The following GAREM1 variants were observed in gnomAD, a reference collection of about 807,000 sequenced individuals.
The protein encoded by GAREM1 is GRB2-associated and regulator of MAPK protein 1.
A neutral mutation model predicts 71.3 loss-of-function variants in GAREM1; 26 were observed. The observed-to-expected ratio is 0.36, with a 90% CI of 0.27 to 0.51. The LOEUF (loss-of-function observed/expected upper bound fraction) is 0.51. Ranked by LOEUF, GAREM1 falls within the 20% of genes least tolerant of loss-of-function variation. GAREM1 has a pLI of 0.95. For synonymous variants in GAREM1, 440 were observed against 433.2 expected (o/e 1.02, Z -0.20); for missense variants, 1,026 against 1,103.1 (o/e 0.93, Z 0.99).
chr18:32,359,931 T>TAA (rs1567978586), intron 2 of GAREM1, among the ~76,000 whole-genome samples: 2 of 149,784 alleles, frequency 1.3e-5, no homozygotes, highest in African/African-American at 5.0e-5. Context: ...GTCTCTTAAA[T>TAA]ATAAATAAAT....
intron 1 of GAREM1, among the ~76,000 whole-genome samples, chr18:32,455,633 A>G (rs951077827): frequency 6.6e-5 from 10 of 152,130 alleles, no homozygotes; most frequent in Non-Finnish European, 1.3e-4. Context: ...ACAAGCTACT[A>G]TCACTTCAGA....
chr18:32,275,682 A>C (rs1225689826), intron 4 of GAREM1, among the ~76,000 whole-genome samples: 2 of 151,898 alleles, frequency 1.3e-5, no homozygotes, highest in Admixed American at 6.6e-5. Flanking sequence ...GAGTAAGTCT[A>C]TCTCTTTTTT....
chr18:32,418,136 A>G (rs553176641), intron 1 of GAREM1, among the ~76,000 whole-genome samples: 15 of 152,330 alleles, frequency 9.8e-5, no homozygotes, highest in African/African-American at 3.6e-4. Context: ...AATATTTTCT[A>G]GATGCAAGAG....
intron 1 of GAREM1, among the ~76,000 whole-genome samples, chr18:32,430,278 G>A (rs2048611277): frequency 2.0e-5 from 3 of 152,130 alleles, no homozygotes; most frequent in Non-Finnish European, 4.4e-5. Flanking sequence ...CAAATGAATG[G>A]CATATACAAA....
At chr18:32,272,645 C>T (rs1342427226) in intron 4 of GAREM1, among the ~76,000 whole-genome samples, 12 of 150,738 alleles carry the variant, frequency 8.0e-5, no homozygotes, top group East Asian at 1.9e-4. Flanking sequence ...TTTTTGGAGA[C>T]GGAGTTTCAC....
chr18:32,308,932 C>T lies in GAREM1; in HGVS notation c.393+1261G>A, dbSNP rs555240987. On this transcript the variant is annotated intron_variant, in intron 3 of 5. Transcript: ENST00000269209. ...AATAAGGGGCTGTCCTAGGCATCTC[C>T]TCCCTTTCCTGAAGAGTGTGGGTGG... 1.8e-4 allele frequency among the ~76,000 whole-genome samples: 27 copies of T among 150,254 alleles called. 4 individuals carry two copies. Among genetic ancestry groups the T allele is most frequent in the African/African-American group, 6.2e-4 (25 of 40,588 alleles).
chr18:32,405,351 A>C (rs981740700), intron 1 of GAREM1, among the ~76,000 whole-genome samples: 2 of 147,602 alleles, frequency 1.4e-5, no homozygotes, highest in Admixed American at 1.3e-4. Flanking sequence ...GGCGTGCACC[A>C]CCATGCTGGC....
At chr18:32,323,878 GTA>G (rs2047451944) in intron 2 of GAREM1, among the ~76,000 whole-genome samples, 1 of 151,886 alleles carries the variant, frequency 6.6e-6, no homozygotes, top group Non-Finnish European at 1.5e-5. Context: ...CAGTTATTTA[GTA>G]TGAAAAGAGA....
chr18:32,309,615 CAAAAAAAAA>C (rs11370938), intron 3 of GAREM1, among the ~76,000 whole-genome samples: 2 of 13,864 alleles, frequency 1.4e-4, no homozygotes, highest in African/African-American at 3.0e-4. Context: ...GACTCAGTCT[CAAAAAAAAA>C]AAAAAAAAAA....
At chr18:32,384,174 A>G (rs1167205371) in intron 2 of GAREM1, among the ~76,000 whole-genome samples, 1 of 152,242 alleles carries the variant, frequency 6.6e-6, no homozygotes, top group Non-Finnish European at 1.5e-5. Flanking sequence ...AACCAGCCAC[A>G]GCTGGGAGCA....
At chr18:32,332,927 T>C (rs1425512002) in intron 2 of GAREM1, among the ~76,000 whole-genome samples, 3 of 151,582 alleles carry the variant, frequency 2.0e-5, no homozygotes, top group East Asian at 1.9e-4. Flanking sequence ...AGGACATGGA[T>C]TGAAATGACA....
At chr18:32,360,838 G>A (rs888899054) in intron 2 of GAREM1, among the ~76,000 whole-genome samples, 1 of 152,082 alleles carries the variant, frequency 6.6e-6, no homozygotes, top group South Asian at 2.1e-4. Context: ...TACCCTATTT[G>A]TTCTTCACTT....
chr18:32,322,616 TA>T (rs1398081948), intron 2 of GAREM1, among the ~76,000 whole-genome samples: 1 of 152,152 alleles, frequency 6.6e-6, no homozygotes, highest in African/African-American at 2.4e-5. Flanking sequence ...AACTAACCAG[TA>T]AACTTTCTAA....
chr18:32,297,480 C>CT (rs61553238), intron 3 of GAREM1, among the ~76,000 whole-genome samples: 367 of 152,244 alleles, frequency 2.4e-3, no homozygotes, highest in African/African-American at 7.8e-3. Flanking sequence ...AAACATTTTA[C>CT]TTTTTTTAAG....
At chr18:32,284,528 A>C (rs185829146) in intron 4 of GAREM1, among the ~76,000 whole-genome samples, 2 of 152,340 alleles carry the variant, frequency 1.3e-5, no homozygotes, top group Non-Finnish European at 2.9e-5. Context: ...ACTTGGTTAC[A>C]TAAATGACCC....
Position 32,287,455 on chromosome 18 carries a change from T to C in GAREM1, c.1142A>G (p.Gln381Arg), listed in dbSNP as rs1366424515. 1.2e-6 allele frequency: 2 copies of C among 1,614,058 alleles called. No homozygotes were observed. The highest frequency in any genetic ancestry group is 1.7e-6 in the Non-Finnish European group (2 of 1,180,008). The change falls in exon 4 of 6, where the codon CAG becomes CGG. Residue 381 changes from glutamine (Q) to arginine (R), a missense_variant. By Grantham distance (43) the Gln-to-Arg change is conservative. Coordinates refer to ENST00000269209, the MANE Select transcript of GAREM1 (RefSeq NM_001242409.2). This position sits in a 1 kb window ranked among gnomAD's most constrained non-coding sequence, Gnocchi z 5.9. ...SLSYARDELT[Q>R]SFHRLSVCVY... Reference sequence around the variant, plus strand: ...ACAGACCGAGAGTCGGTGGAAGGACTGGGTGAGCTCATCGCGGGCGTAGCT... The same window carrying C: ...ACAGACCGAGAGTCGGTGGAAGGACCGGGTGAGCTCATCGCGGGCGTAGCT...
chr18:32,368,260 T>C (rs1386542001), intron 2 of GAREM1, among the ~76,000 whole-genome samples: 2 of 152,208 alleles, frequency 1.3e-5, no homozygotes, highest in African/African-American at 4.8e-5. Flanking sequence ...TCCTTGAGTG[T>C]AGGGCCATGT....
At chr18:32,355,756 T>G (rs2047798722) in intron 2 of GAREM1, among the ~76,000 whole-genome samples, 1 of 152,006 alleles carries the variant, frequency 6.6e-6, no homozygotes, top group Non-Finnish European at 1.5e-5. Context: ...ATAAAAGAAA[T>G]GGAAGATTTT....
At chr18:32,290,429 AAAGT>A (rs1328435588) in intron 3 of GAREM1, 1 of 152,088 alleles carries the variant, frequency 6.6e-6, no homozygotes, top group Non-Finnish European at 1.5e-5. Context: ...CAGCTTTTTA[AAAGT>A]AAGGACCTGA....
Sources: gnomAD v4.1 joint callset for allele counts (sites outside exome capture counted in the v4.1 genomes callset) on GRCh38, gnomAD v4.1.1 for gene constraint, Gnocchi (gnomAD v3.1) non-coding constraint, MANE v1.5 for transcripts, NCBI Gene and HGNC (gene_info 2026-07-23, HGNC 2026-07-21) for gene names.